ATP7B: variants seen among roughly 807,000 people sequenced by gnomAD.
ATP7B encodes copper-transporting ATPase 2.
Under a neutral mutation model 118.9 loss-of-function variants are expected in ATP7B, and 113 were observed. That is an observed-to-expected ratio of 0.95 (90% confidence interval 0.82 to 1.11). The LOEUF (loss-of-function observed/expected upper bound fraction) is 1.11, where lower values mean the gene tolerates loss of function less well. ATP7B is among the 50% of genes most tolerant of loss of function. The pLI is 0.00. For synonymous variants in ATP7B, 777 were observed against 727.4 expected (o/e 1.07, Z -1.10); for missense variants, 1,867 against 1,871.4 (o/e 1.00, Z 0.04).
In ATP7B at chr13:51,942,504, T is replaced by G. The variant is rs2138855545; in HGVS notation, c.3294A>C (p.Pro1098=). The G allele has an allele frequency of 6.2e-7, 1 of 1,614,220 alleles. No homozygotes were observed. The highest frequency in any genetic ancestry group is 8.5e-7 in the Non-Finnish European group (1 of 1,180,032). The change falls in exon 15 of 21, where the codon CCA becomes CCC. Residue 1098 remains proline, a synonymous_variant. Coordinates refer to ENST00000242839, the MANE Select transcript of ATP7B (RefSeq NM_000053.4). ...TGACTTTGCACCCAATTCCACAGCC[T>G]GGCACTGCCTGGAAGTCCGTGCAGT... The part of the protein sequence containing the change: ...LGYCTDFQAV[P]GCGIGCKVSN...
chr13:51,999,780 G>A (rs369581595), intron 1 of ATP7B, among the ~76,000 whole-genome samples: 1 of 152,056 alleles, frequency 6.6e-6, no homozygotes, highest in African/African-American at 2.4e-5. Context: ...CACGAACTGC[G>A]GGAGGACCCG....
intron 17 of ATP7B, among the ~76,000 whole-genome samples, chr13:51,938,133 G>A (rs140583910): frequency 1.3e-5 from 2 of 152,280 alleles, no homozygotes; most frequent in African/African-American, 4.8e-5. Context: ...TGCCACACTT[G>A]ACCATACCAT....
chr13:51,937,757 C>T (rs1957060915), intron 17 of ATP7B, 78 bp from the exon 18 acceptor site: 3 of 1,523,118 alleles, frequency 2.0e-6, no homozygotes, highest in Non-Finnish European at 2.7e-6. Flanking sequence ...TACCCTTGCC[C>T]CCTCTGCCCT....
chr13:51,990,297 T>C (rs1056778681), intron 1 of ATP7B, among the ~76,000 whole-genome samples: 1 of 152,138 alleles, frequency 6.6e-6, no homozygotes. Flanking sequence ...ACCATATAGA[T>C]ATACAATTAC....
chr13:51,956,689 T>C (rs1441932801), intron 9 of ATP7B, among the ~76,000 whole-genome samples: 1 of 152,110 alleles, frequency 6.6e-6, no homozygotes, highest in Non-Finnish European at 1.5e-5. Context: ...GAAAATGTGG[T>C]GGGACCAGGG....
intron 12 of ATP7B, among the ~76,000 whole-genome samples, chr13:51,947,602 T>C (rs1256809645): frequency 6.6e-6 from 1 of 152,240 alleles, no homozygotes; most frequent in Non-Finnish European, 1.5e-5. Flanking sequence ...GGCAGGATTC[T>C]AAAATAATGT....
At chr13:52,001,350 A>C (rs1953485598) in intron 1 of ATP7B, among the ~76,000 whole-genome samples, 1 of 152,158 alleles carries the variant, frequency 6.6e-6, no homozygotes, top group Admixed American at 6.5e-5. Context: ...GTGCTTAATA[A>C]AACCTAAAAT....
At chr13:51,988,483 T>C (rs1394011551) in intron 1 of ATP7B, among the ~76,000 whole-genome samples, 1 of 152,210 alleles carries the variant, frequency 6.6e-6, no homozygotes, top group Non-Finnish European at 1.5e-5. Flanking sequence ...TCAACCATTG[T>C]GGAAGACAGT....
chr13:52,006,901 C>T (rs1471566024), intron 1 of ATP7B, among the ~76,000 whole-genome samples: 2 of 152,180 alleles, frequency 1.3e-5, no homozygotes, highest in Non-Finnish European at 2.9e-5. Flanking sequence ...TCTGCCCCTT[C>T]TGTGGGTGCT....
At chr13:52,002,296 T>C (rs770287748) in intron 1 of ATP7B, among the ~76,000 whole-genome samples, 133 of 151,512 alleles carry the variant, frequency 8.8e-4, no homozygotes, top group Non-Finnish European at 1.6e-3. Flanking sequence ...GCGTGGGGGC[T>C]AACACCTGTA....
rs541107568 is a variant in ATP7B at position 52,000,109 on chromosome 13, A to G, written c.51+11178T>C. Among the ~76,000 whole-genome samples the G allele has an allele frequency of 7.2e-5, 11 of 152,184 alleles. No individual in the cohort carries two copies. The South Asian group carries it at 2.3e-3, about 32-fold the overall frequency. ...CCTTGGACCTCTTCCATCTCTACTCATTCCTTGTACACTCATCCAGGCCAG... is the reference window on the plus strand; with the variant it reads ...CCTTGGACCTCTTCCATCTCTACTCGTTCCTTGTACACTCATCCAGGCCAG... On this transcript the variant is annotated intron_variant, in intron 1 of 20. Coordinates refer to ENST00000242839, the MANE Select transcript of ATP7B (RefSeq NM_000053.4).
intron 1 of ATP7B, among the ~76,000 whole-genome samples, chr13:51,990,102 A>G (rs1434292666): frequency 2.0e-5 from 3 of 151,802 alleles, no homozygotes; most frequent in Non-Finnish European, 4.4e-5. Context: ...AATTAAAATA[A>G]CATTTATTAT....
intron 4 of ATP7B, among the ~76,000 whole-genome samples, chr13:51,967,543 C>T (rs1229832394): frequency 6.6e-6 from 1 of 152,184 alleles, no homozygotes; most frequent in African/African-American, 2.4e-5. Flanking sequence ...AGCTGTGTCC[C>T]AGCAAGTATC....
intron 8 of ATP7B, 81 bp downstream of exon 8, chr13:51,958,230 A>T: frequency 4.8e-6 from 7 of 1,452,130 alleles, no homozygotes; most frequent in Non-Finnish European, 5.8e-6. Flanking sequence ...TATAATTAGT[A>T]ATTCTAAACA....
rs1177145807 is a variant in ATP7B at position 51,932,834 on chromosome 13, G to C, written c.*1922C>G. On this transcript the variant is annotated 3_prime_UTR_variant, in exon 21 of 21. Coordinates refer to ENST00000242839, the MANE Select transcript of ATP7B (RefSeq NM_000053.4). ...GTCCATATATGAACACAACGTTTAT[G>C]GTCCTAAAAGTTTTAAAAATCAACA... 1 of 152,020 alleles carries C rather than the reference G, an allele frequency of 6.6e-6. No homozygotes were observed. The highest frequency in any genetic ancestry group is 1.9e-4 in the East Asian group (1 of 5,196). 9.4% of individuals were successfully genotyped at this position (152,020 alleles called of 1,614,324 possible).
At chr13:51,981,209 T>C (rs2140232395) in intron 1 of ATP7B, among the ~76,000 whole-genome samples, 1 of 152,308 alleles carries the variant, frequency 6.6e-6, no homozygotes, top group East Asian at 1.9e-4. Flanking sequence ...TAGAGTAACC[T>C]TTTCTTTTCA....
At chr13:51,993,111 A>T (rs1244676217) in intron 1 of ATP7B, among the ~76,000 whole-genome samples, 1 of 151,974 alleles carries the variant, frequency 6.6e-6, no homozygotes, top group African/African-American at 2.4e-5. Context: ...TATTTATTTT[A>T]AAAATATACA....
At chr13:51,982,041 T>C (rs559625192) in intron 1 of ATP7B, among the ~76,000 whole-genome samples, 4 of 151,884 alleles carry the variant, frequency 2.6e-5, no homozygotes, top group African/African-American at 9.7e-5. Flanking sequence ...CATCTATTAT[T>C]AGTGTTAGCG....
chr13:51,984,649 T>C (rs563813122), intron 1 of ATP7B, among the ~76,000 whole-genome samples: 5 of 152,262 alleles, frequency 3.3e-5, no homozygotes, highest in African/African-American at 1.2e-4. Flanking sequence ...GAAAAAATGT[T>C]GAGGGCAGCC....
Sources: gnomAD v4.1 joint callset for allele counts (sites outside exome capture counted in the v4.1 genomes callset) on GRCh38, gnomAD v4.1.1 for gene constraint, MANE v1.5 for transcripts, NCBI Gene and HGNC (gene_info 2026-07-23, HGNC 2026-07-21) for gene names.